The following KIRREL3 variants were observed in gnomAD, a reference collection of about 807,000 sequenced individuals.
KIRREL3 encodes kirre like nephrin family adhesion molecule 3.
A neutral mutation model predicts 89.7 loss-of-function variants in KIRREL3; 36 were observed. That is an observed-to-expected ratio of 0.40 (90% confidence interval 0.31 to 0.53). The LOEUF (loss-of-function observed/expected upper bound fraction) is 0.53, where lower values mean the gene tolerates loss of function less well. Among genes scored for constraint, KIRREL3 ranks in the 20% least tolerant of loss-of-function variants. The probability of loss-of-function intolerance (pLI) is 0.49; values close to 1 mark genes in which losing one functional copy is unlikely to be tolerated. For missense variants in KIRREL3, 864 were observed against 1,056.6 expected (o/e 0.82, Z 2.53); for synonymous variants, 445 against 441.4 (o/e 1.01, Z -0.10).
Position 127,000,581 on chromosome 11 carries a change from G to T in KIRREL3, c.-72C>A. 6.6e-7 allele frequency: 1 copy of T among 1,509,476 alleles called. No homozygotes were observed. The highest frequency in any genetic ancestry group is 9.0e-7 in the Non-Finnish European group (1 of 1,109,908). The allele number at this position is 1,509,476 out of a possible 1,614,324, so 93.5% of individuals were successfully genotyped here. A position where few individuals can be genotyped will look rare whatever the true frequency, so the allele number is the denominator to read the frequency against. ...TAGTTTCTCTTCCTTGGCGGCTCTCGGTGCTCAGCCTCCGCCGGTCCTCTC... is the reference window on the plus strand; with the variant it reads ...TAGTTTCTCTTCCTTGGCGGCTCTCTGTGCTCAGCCTCCGCCGGTCCTCTC... On this transcript the variant is annotated 5_prime_UTR_variant, in exon 1 of 17. Transcript: ENST00000525144. This position sits in a 1 kb window ranked among gnomAD's most constrained non-coding sequence, Gnocchi z 7.1.
intron 1 of KIRREL3, among the ~76,000 whole-genome samples, chr11:126,975,620 G>A (rs1949543997): frequency 6.6e-6 from 1 of 152,092 alleles, no homozygotes; most frequent in South Asian, 2.1e-4. Flanking sequence ...TCTCTTCTAA[G>A]CCAGTTTTCT....
rs75100385 is a variant in KIRREL3 at position 126,427,193 on chromosome 11, T to C, written c.1807-1469A>G. Among the ~76,000 whole-genome samples the C allele has an allele frequency of 0.02, 3,025 of 152,300 alleles. 105 individuals are homozygous for C. The highest frequency in any genetic ancestry group is 0.069 in the African/African-American group (2,871 of 41,550). On this transcript the variant is annotated intron_variant, in intron 15 of 16. Transcript: ENST00000525144. The surrounding 1 kb of genome is among the most constrained non-coding windows in gnomAD (Gnocchi z 5.3). ...GCTTAAGTATAGAGACGTCATCCCT[T>C]CTCACATCTAGGCTGTGGTTTCCTC... is the stretch of plus-strand genomic sequence containing the variant.
At chr11:126,451,665 AGT>A (rs1178495523) in intron 7 of KIRREL3, among the ~76,000 whole-genome samples, 5 of 135,908 alleles carry the variant, frequency 3.7e-5, no homozygotes, top group Non-Finnish European at 8.0e-5. Flanking sequence ...TGCATGTGTG[AGT>A]GTGTGCATAT....
At chr11:126,693,633 C>CACACACT (rs1231272271) in intron 1 of KIRREL3, among the ~76,000 whole-genome samples, 1 of 104,718 alleles carries the variant, frequency 9.5e-6, no homozygotes, top group Non-Finnish European at 2.1e-5. Context: ...ACACACACAC[C>CACACACT]CATAGTCAGA....
At position 126,952,752 on chromosome 11, in the gene KIRREL3, G is replaced by T. The variant is rs557015692; in HGVS notation, c.55+47703C>A. Among the ~76,000 whole-genome samples, 7 of 152,228 alleles carry T rather than the reference G, an allele frequency of 4.6e-5. No homozygotes were observed. The East Asian group carries it at 9.7e-4, about 21-fold the overall frequency. On this transcript the variant is annotated intron_variant, in intron 1 of 16. Transcript: ENST00000525144. ...CATCTTGAGTTAATTTTTGTATATG[G>T]TGTAAGGAAGGGATCCAAAACCACG...
rs1165130885 is a variant in KIRREL3, at chr11:126,709,633, C to T, written c.56-146721G>A. On this transcript the variant is annotated intron_variant, in intron 1 of 16. Transcript: ENST00000525144. This position sits in a 1 kb window ranked among gnomAD's most constrained non-coding sequence, Gnocchi z 4.0. Reference sequence around the variant, plus strand: ...CTTATAAAAAGAGAAAATTTGGACACAGAGGTACAGAGGGAAGACCATGTG... The same window carrying T: ...CTTATAAAAAGAGAAAATTTGGACATAGAGGTACAGAGGGAAGACCATGTG... Among the ~76,000 whole-genome samples, 1 of 152,076 alleles carries T rather than the reference C, an allele frequency of 6.6e-6. No individual in the cohort carries two copies. Among genetic ancestry groups the T allele is most frequent in the African/African-American group, 2.4e-5 (1 of 41,394 alleles).
At chr11:126,884,263 T>C (rs942456538) in intron 1 of KIRREL3, among the ~76,000 whole-genome samples, 1 of 152,218 alleles carries the variant, frequency 6.6e-6, no homozygotes, top group African/African-American at 2.4e-5. Flanking sequence ...TCCCTCCAGA[T>C]GACTCTGCTG....
chr11:126,601,092 G>A lies in KIRREL3; in HGVS notation c.56-38180C>T, dbSNP rs1188281361. Among the ~76,000 whole-genome samples the A allele has an allele frequency of 1.3e-5, 2 of 151,328 alleles. No individual in the cohort carries two copies. Among genetic ancestry groups the A allele is most frequent in the Admixed American group, 6.6e-5 (1 of 15,190 alleles). ...TTGTCCCCCGTCCTCCCAGCCCCCC[G>A]ATGTTCCAGGAAGCCAAAGCACAGA... On this transcript the variant is annotated intron_variant, in intron 1 of 16. Coordinates refer to ENST00000525144, the MANE Select transcript of KIRREL3 (RefSeq NM_032531.4). This position sits in a 1 kb window ranked among gnomAD's most constrained non-coding sequence, Gnocchi z 5.8.
chr11:126,694,394 G>C lies in KIRREL3; in HGVS notation c.56-131482C>G, dbSNP rs1412854067. Among the ~76,000 whole-genome samples the C allele has an allele frequency of 6.6e-6, 1 of 152,216 alleles. No homozygotes were observed. The highest frequency in any genetic ancestry group is 1.5e-5 in the Non-Finnish European group (1 of 68,034). ...TCTCCCCTGGCTGTGGGGCTGTCTG[G>C]ACTGGGGATTCTGTCTGATTGTGTC... On this transcript the variant is annotated intron_variant, in intron 1 of 16. Coordinates refer to ENST00000525144, the MANE Select transcript of KIRREL3 (RefSeq NM_032531.4). The surrounding 1 kb of genome is among the most constrained non-coding windows in gnomAD (Gnocchi z 4.4).
intron 1 of KIRREL3, among the ~76,000 whole-genome samples, chr11:126,786,470 C>T (rs1469147900): frequency 6.6e-6 from 1 of 152,074 alleles, no homozygotes; most frequent in African/African-American, 2.4e-5. Flanking sequence ...ACCAGCATTT[C>T]ATTTTATTTG....
intron 1 of KIRREL3, among the ~76,000 whole-genome samples, chr11:126,974,207 C>T (rs1228092526): frequency 6.6e-6 from 1 of 152,188 alleles, no homozygotes; most frequent in African/African-American, 2.4e-5. Context: ...AATGTTTACT[C>T]CTCTTTTCTA....
intron 1 of KIRREL3, among the ~76,000 whole-genome samples, chr11:126,749,674 G>A (rs1949273089): frequency 6.6e-6 from 1 of 151,838 alleles, no homozygotes; most frequent in East Asian, 1.9e-4. Context: ...TTCATCTTCC[G>A]AGAAGAAAAT....
Position 126,783,689 on chromosome 11 carries a change from G to A in KIRREL3, c.55+216766C>T, listed in dbSNP as rs1214870661. The stretch of plus-strand genomic sequence containing the variant: ...AGAAATAAATAAATGGAGGAGAATA[G>A]ATAGACTCCAGTGCAGAATTCCAAA... On this transcript the variant is annotated intron_variant, in intron 1 of 16. Coordinates refer to ENST00000525144, the MANE Select transcript of KIRREL3 (RefSeq NM_032531.4). The surrounding 1 kb of genome is among the most constrained non-coding windows in gnomAD (Gnocchi z 4.3). 6.6e-6 allele frequency among the ~76,000 whole-genome samples: 1 copy of A among 152,224 alleles called. No homozygotes were observed. The highest frequency in any genetic ancestry group is 1.5e-5 in the Non-Finnish European group (1 of 68,038).
At chr11:126,974,249 T>C (rs1949508107) in intron 1 of KIRREL3, among the ~76,000 whole-genome samples, 1 of 152,178 alleles carries the variant, frequency 6.6e-6, no homozygotes, top group African/African-American at 2.4e-5. Context: ...CTTTCCTATC[T>C]AGACCTCTCT....
intron 1 of KIRREL3, among the ~76,000 whole-genome samples, chr11:126,728,980 G>A (rs1256766534): frequency 6.6e-6 from 1 of 152,240 alleles, no homozygotes; most frequent in Non-Finnish European, 1.5e-5. Flanking sequence ...GCAGTGGGCT[G>A]TCCTGTTGCT....
At chr11:126,701,983 C>T (rs1288833623) in intron 1 of KIRREL3, among the ~76,000 whole-genome samples, 1 of 152,140 alleles carries the variant, frequency 6.6e-6, no homozygotes, top group African/African-American at 2.4e-5. Context: ...TGTTAGGTCT[C>T]CTTCCTTTCT....
In KIRREL3 at chr11:126,817,753, T is replaced by C. The variant is rs1433457563; in HGVS notation, c.55+182702A>G. ...TCACGCTAGCTAATGATAGCATTTGTAGGGCAGCTGGAATAAACATGTGAT... is the reference window on the plus strand; with the variant it reads ...TCACGCTAGCTAATGATAGCATTTGCAGGGCAGCTGGAATAAACATGTGAT... On this transcript the variant is annotated intron_variant, in intron 1 of 16. Coordinates refer to ENST00000525144, the MANE Select transcript of KIRREL3 (RefSeq NM_032531.4). This position sits in a 1 kb window ranked among gnomAD's most constrained non-coding sequence, Gnocchi z 5.7. Among the ~76,000 whole-genome samples, 1 of 152,196 alleles carries C rather than the reference T, an allele frequency of 6.6e-6. No individual in the cohort carries two copies. Among genetic ancestry groups the C allele is most frequent in the African/African-American group, 2.4e-5 (1 of 41,462 alleles).
chr11:126,450,539 G>C (rs1565462250), intron 7 of KIRREL3, among the ~76,000 whole-genome samples: 5 of 151,250 alleles, frequency 3.3e-5, no homozygotes, highest in Non-Finnish European at 5.9e-5. Flanking sequence ...ATGTGTGCAT[G>C]TGTGTCAATG....
Position 126,527,368 on chromosome 11 carries a change from C to T in KIRREL3, c.134-681G>A, listed in dbSNP as rs1478983226. ...AAAATCATTATGGACACCATGCCTC[C>T]TCAAAACGAGATGGCCAGAATCATC... is the stretch of plus-strand genomic sequence containing the variant. On this transcript the variant is annotated intron_variant, in intron 2 of 16. Transcript: ENST00000525144. This position sits in a 1 kb window ranked among gnomAD's most constrained non-coding sequence, Gnocchi z 4.2. 6.6e-6 allele frequency among the ~76,000 whole-genome samples: 1 copy of T among 152,158 alleles called. No individual in the cohort carries two copies. The highest frequency in any genetic ancestry group is 1.5e-5 in the Non-Finnish European group (1 of 68,028).
Sources: gnomAD v4.1 joint callset for allele counts (sites outside exome capture counted in the v4.1 genomes callset) on GRCh38, gnomAD v4.1.1 for gene constraint, Gnocchi (gnomAD v3.1) non-coding constraint, MANE v1.5 for transcripts, NCBI Gene and HGNC (gene_info 2026-07-23, HGNC 2026-07-21) for gene names.